BBS9: variants seen among roughly 807,000 people sequenced by gnomAD.
The protein encoded by BBS9 is Bardet-Biedl syndrome 9, also known as protein PTHB1.
BBS9 carries 89 observed loss-of-function variants against 117.7 expected under a neutral mutation model. That is an observed-to-expected ratio of 0.76 (90% confidence interval 0.64 to 0.90). The LOEUF (loss-of-function observed/expected upper bound fraction) is 0.90. BBS9 is among the 40% of genes least tolerant of loss of function. The pLI, the probability that BBS9 is intolerant of heterozygous loss-of-function variation, is 0.00. For synonymous variants in BBS9, 379 were observed against 370.9 expected (o/e 1.02, Z -0.25); for missense variants, 982 against 1,042.2 (o/e 0.94, Z 0.80).
intron 5 of BBS9, among the ~76,000 whole-genome samples, chr7:33,224,320 G>A (rs1401495823): frequency 6.6e-6 from 1 of 152,188 alleles, no homozygotes; most frequent in Non-Finnish European, 1.5e-5. Context: ...CTAAGTCAGA[G>A]CTGAGATTTG....
At chr7:33,325,117 A>T (rs558578127) in intron 9 of BBS9, among the ~76,000 whole-genome samples, 1 of 152,066 alleles carries the variant, frequency 6.6e-6, no homozygotes, top group Non-Finnish European at 1.5e-5. Flanking sequence ...TTTTAGATTT[A>T]CCTTTTTGAG....
chr7:33,145,888 G>A (rs1005715170), intron 1 of BBS9, among the ~76,000 whole-genome samples: 1 of 152,140 alleles, frequency 6.6e-6, no homozygotes, highest in South Asian at 2.1e-4. Context: ...AAGGAAGTTA[G>A]GTATTTCACT....
intron 19 of BBS9, among the ~76,000 whole-genome samples, chr7:33,471,365 A>G (rs1841012266): frequency 6.6e-6 from 1 of 152,200 alleles, no homozygotes; most frequent in Admixed American, 6.5e-5. Flanking sequence ...ATTCATTAGT[A>G]TTTCTTGTCT....
In BBS9 at chr7:33,547,154, G is replaced by A. The variant is rs1008457635; in HGVS notation, c.2521+12978G>A. Among the ~76,000 whole-genome samples the A allele has an allele frequency of 5.3e-5, 8 of 152,140 alleles. No homozygotes were observed. The South Asian group carries it at 8.3e-4, about 16-fold the overall frequency. The stretch of plus-strand genomic sequence containing the variant: ...GAGCTATAGTTGGGGGCAAGAAGAG[G>A]ACTCTGTAGGGAGCAGTGAATTTTA... On this transcript the variant is annotated intron_variant, in intron 21 of 22. Transcript: ENST00000242067.
At chr7:33,262,532 GTCTAATTAT>G (rs1162469149) in intron 6 of BBS9, among the ~76,000 whole-genome samples, 4 of 152,140 alleles carry the variant, frequency 2.6e-5, no homozygotes, top group African/African-American at 9.7e-5. Flanking sequence ...AGAATGTGAG[GTCTAATTAT>G]TTTGCACTTT....
intron 21 of BBS9, among the ~76,000 whole-genome samples, chr7:33,565,816 T>C (rs1419187017): frequency 8.3e-5 from 5 of 60,390 alleles, no homozygotes; most frequent in African/African-American, 4.0e-4. Flanking sequence ...TATATATATA[T>C]ATATATATAT....
chr7:33,271,407 AAC>A (rs1799771657), intron 7 of BBS9, among the ~76,000 whole-genome samples: 1 of 152,228 alleles, frequency 6.6e-6, no homozygotes, highest in Non-Finnish European at 1.5e-5. Context: ...ACCCATTTAA[AAC>A]ACACAGAGTG....
chr7:33,487,174 C>T lies in BBS9; in HGVS notation c.2116-18289C>T, dbSNP rs187572425. On this transcript the variant is annotated intron_variant, in intron 19 of 22. Transcript: ENST00000242067. ...CCAATCTTTACTCTTAAATAGCATT[C>T]TTTGTTTAAAGACGTAAGCTTAGGA... is the stretch of plus-strand genomic sequence containing the variant. Among the ~76,000 whole-genome samples, 38 of 152,270 alleles carry T rather than the reference C, an allele frequency of 2.5e-4. No individual in the cohort carries two copies. In the East Asian group the frequency reaches 6.8e-3, roughly 27 times the overall value.
intron 19 of BBS9, among the ~76,000 whole-genome samples, chr7:33,503,557 C>G (rs905541554): frequency 6.6e-6 from 1 of 151,748 alleles, no homozygotes; most frequent in Non-Finnish European, 1.5e-5. Context: ...ATTACAAACT[C>G]TTTGAAGGTG....
Position 33,450,441 on chromosome 7 carries a change from A to G in BBS9, c.2116-55022A>G, listed in dbSNP as rs565684239. 1.8e-3 allele frequency among the ~76,000 whole-genome samples: 272 copies of G among 152,314 alleles called. 1 individual carries two copies. The highest frequency in any genetic ancestry group is 1.6e-3 in the Non-Finnish European group (110 of 68,022). On this transcript the variant is annotated intron_variant, in intron 19 of 22. Transcript: ENST00000242067. The stretch of plus-strand genomic sequence containing the variant: ...TAGTTCTATTGTTAGTTTTCTGAGG[A>G]AACTCCATACTGTTTTTCATAGCAG...
chr7:33,439,799 T>TC (rs1645043531), intron 19 of BBS9, among the ~76,000 whole-genome samples: 1 of 152,182 alleles, frequency 6.6e-6, no homozygotes, highest in Non-Finnish European at 1.5e-5. Context: ...AGTGTTGGGA[T>TC]TACAGGCGTG....
chr7:33,266,792 G>A (rs2128331443), intron 7 of BBS9, among the ~76,000 whole-genome samples: 1 of 152,108 alleles, frequency 6.6e-6, no homozygotes, highest in Non-Finnish European at 1.5e-5. Flanking sequence ...GCCCAGGCTG[G>A]AGTGTAGTGG....
chr7:33,437,733 G>A (rs554294657), intron 19 of BBS9, among the ~76,000 whole-genome samples: 10 of 152,092 alleles, frequency 6.6e-5, no homozygotes, highest in East Asian at 1.9e-4. Context: ...AAAATTAGCC[G>A]GACACTGTGT....
Position 33,303,532 on chromosome 7 carries a change from C to CCCCG in BBS9, c.1016+29577_1016+29578insCCGC, listed in dbSNP as rs1318034573. 5.4e-3 allele frequency among the ~76,000 whole-genome samples: 699 copies of CCCCG among 129,798 alleles called. 16 individuals are homozygous for CCCCG. The highest frequency in any genetic ancestry group is 0.021 in the African/African-American group (670 of 32,654). 85.2% of individuals were successfully genotyped at this position (129,798 alleles called of 152,430 possible). ...ACTGAAATGATCCCCTCCCCCCGCC[C>CCCCG]CTTCTTTCTTTGGTCTCCCTCTGTT... On this transcript the variant is annotated intron_variant, in intron 9 of 22. Coordinates refer to ENST00000242067, the MANE Select transcript of BBS9 (RefSeq NM_198428.3).
intron 9 of BBS9, among the ~76,000 whole-genome samples, chr7:33,298,233 A>G (rs1288544229): frequency 6.6e-6 from 1 of 152,054 alleles, no homozygotes; most frequent in Admixed American, 6.6e-5. Flanking sequence ...TATAAAGGTT[A>G]AAGCAGAAGA....
chr7:33,284,542 G>A (rs1303662799), intron 9 of BBS9, among the ~76,000 whole-genome samples: 2 of 152,168 alleles, frequency 1.3e-5, no homozygotes, highest in East Asian at 3.9e-4. Context: ...TATTGGGAAT[G>A]TAGTGAATTT....
chr7:33,319,992 A>T (rs565317082), intron 9 of BBS9, among the ~76,000 whole-genome samples: 5 of 152,204 alleles, frequency 3.3e-5, no homozygotes, highest in African/African-American at 4.8e-5. Context: ...CTGTAGCATT[A>T]TATTTTTATG....
chr7:33,261,894 T>G (rs1371898176), intron 6 of BBS9, among the ~76,000 whole-genome samples: 1 of 152,246 alleles, frequency 6.6e-6, no homozygotes, highest in Non-Finnish European at 1.5e-5. Context: ...CTGATTATTC[T>G]TTCAGCAATC....
intron 19 of BBS9, among the ~76,000 whole-genome samples, chr7:33,463,241 C>T (rs890284193): frequency 1.3e-5 from 2 of 152,008 alleles, no homozygotes; most frequent in Admixed American, 6.6e-5. Context: ...CTTAGCGTCA[C>T]GTAGACCAAA....
Sources: allele counts gnomAD v4.1 joint callset (sites outside exome capture counted in the v4.1 genomes callset), GRCh38; gene constraint gnomAD v4.1.1; transcripts MANE v1.5; gene names NCBI Gene and HGNC (gene_info 2026-07-23, HGNC 2026-07-21).